SUGCT: variants seen among roughly 807,000 people sequenced by gnomAD.
SUGCT encodes succinyl-CoA:glutarate-CoA transferase.
SUGCT carries 41 observed loss-of-function variants against 55.0 expected under a neutral mutation model. The observed-to-expected ratio is 0.74, with a 90% CI of 0.58 to 0.97. The LOEUF is 0.97. Ranked by LOEUF, SUGCT falls within the 50% of genes least tolerant of loss-of-function variation. The pLI, the probability that SUGCT is intolerant of heterozygous loss-of-function variation, is 0.00. For synonymous variants in SUGCT, 187 were observed against 200.4 expected (o/e 0.93, Z 0.56); for missense variants, 568 against 547.8 (o/e 1.04, Z -0.37).
the SUGCT span, among the ~76,000 whole-genome samples, chr7:41,020,636 A>G: frequency 6.6e-6 from 1 of 152,174 alleles, no homozygotes. Flanking sequence ...AACTGCCATA[A>G]AAGTAATTAT....
At chr7:40,751,879 ACT>A (rs1788031308) in intron 13 of SUGCT, among the ~76,000 whole-genome samples, 1 of 152,150 alleles carries the variant, frequency 6.6e-6, no homozygotes, top group African/African-American at 2.4e-5. Flanking sequence ...TGGAGGTAAC[ACT>A]CTTTCAGTCA....
At chr7:41,004,814 AAT>A in the SUGCT span, among the ~76,000 whole-genome samples, 1 of 152,148 alleles carries the variant, frequency 6.6e-6, no homozygotes, top group Admixed American at 6.5e-5. Context: ...GAAAAAAAAA[AAT>A]AACTGGCATC....
intron 9 of SUGCT, among the ~76,000 whole-genome samples, chr7:40,361,847 A>T (rs1562713687): frequency 6.6e-6 from 1 of 151,974 alleles, no homozygotes; most frequent in Non-Finnish European, 1.5e-5. Flanking sequence ...TTCTGAGGGC[A>T]CATTGGAATC....
At chr7:40,354,139 G>A (rs1168997312) in intron 9 of SUGCT, among the ~76,000 whole-genome samples, 1 of 152,168 alleles carries the variant, frequency 6.6e-6, no homozygotes, top group African/African-American at 2.4e-5. Context: ...TAAGGTGGAA[G>A]GGAGTTTCTG....
intron 9 of SUGCT, among the ~76,000 whole-genome samples, chr7:40,398,981 C>A (rs927053095): frequency 1.3e-5 from 2 of 152,124 alleles, no homozygotes; most frequent in African/African-American, 4.8e-5. Flanking sequence ...TGTTTTATAA[C>A]TCCACTGCAC....
intron 12 of SUGCT, among the ~76,000 whole-genome samples, chr7:40,625,253 T>C (rs1421242011): frequency 1.3e-5 from 2 of 152,076 alleles, no homozygotes; most frequent in Non-Finnish European, 2.9e-5. Context: ...ACTCAATCCT[T>C]TTTCCTTAAC....
the SUGCT span, among the ~76,000 whole-genome samples, chr7:40,939,340 G>T: frequency 2.0e-5 from 3 of 152,158 alleles, no homozygotes; most frequent in African/African-American, 7.2e-5. Context: ...TCCACAACAC[G>T]TGGGAATTAT....
At chr7:40,584,386 A>G (rs1453245874) in intron 12 of SUGCT, among the ~76,000 whole-genome samples, 1 of 152,220 alleles carries the variant, frequency 6.6e-6, no homozygotes, top group African/African-American at 2.4e-5. Flanking sequence ...TGGATCAGAA[A>G]AAAAGCAGAA....
At chr7:40,322,355 AGTCTTTGTGCCC>A (rs1197835865) in intron 9 of SUGCT, among the ~76,000 whole-genome samples, 1 of 152,194 alleles carries the variant, frequency 6.6e-6, no homozygotes, top group African/African-American at 2.4e-5. Context: ...GTGCAGGCAC[AGTCTTTGTGCCC>A]ACAGATCTTT....
chr7:40,658,675 G>C (rs555857850), intron 12 of SUGCT, among the ~76,000 whole-genome samples: 1 of 152,302 alleles, frequency 6.6e-6, no homozygotes, highest in Non-Finnish European at 1.5e-5. Flanking sequence ...GTGATGAATT[G>C]TCTTGGGATA....
At chr7:40,701,595 TAGTTAAAGG>T (rs1457913037) in intron 12 of SUGCT, among the ~76,000 whole-genome samples, 1 of 152,184 alleles carries the variant, frequency 6.6e-6, no homozygotes, top group Non-Finnish European at 1.5e-5. Flanking sequence ...AAATACATAG[TAGTTAAAGG>T]AATTGTTCAT....
intron 12 of SUGCT, among the ~76,000 whole-genome samples, chr7:40,680,996 T>C (rs1377486083): frequency 6.6e-6 from 1 of 152,218 alleles, no homozygotes; most frequent in Non-Finnish European, 1.5e-5. Context: ...TCCTCTGGAA[T>C]ATTAACTTCA....
chr7:40,287,500 C>G (rs75898011), intron 8 of SUGCT, among the ~76,000 whole-genome samples: 3 of 144,014 alleles, frequency 2.1e-5, no homozygotes, highest in African/African-American at 7.6e-5. Flanking sequence ...CCTTGATACT[C>G]TTTTTTTTTT....
At chr7:40,585,775 G>A (rs1797344533) in intron 12 of SUGCT, among the ~76,000 whole-genome samples, 1 of 152,066 alleles carries the variant, frequency 6.6e-6, no homozygotes, top group Admixed American at 6.5e-5. Flanking sequence ...GACCTCCCAG[G>A]TTCTGGTGAT....
At chr7:40,901,765 A>G in the SUGCT span, among the ~76,000 whole-genome samples, 3 of 152,228 alleles carry the variant, frequency 2.0e-5, no homozygotes, top group Non-Finnish European at 4.4e-5. Flanking sequence ...TGGGGGATAA[A>G]TTGAATTACG....
intron 1 of SUGCT, among the ~76,000 whole-genome samples, chr7:40,142,619 C>G (rs1788046615): frequency 6.6e-6 from 1 of 152,216 alleles, no homozygotes; most frequent in African/African-American, 2.4e-5. Context: ...TACTGAACCA[C>G]TTTTCTAGCC....
At chr7:40,913,614 A>G in the SUGCT span, among the ~76,000 whole-genome samples, 1,966 of 152,316 alleles carry the variant, frequency 0.013, 44 homozygotes, top group African/African-American at 0.045. Flanking sequence ...TTGGTAGCTG[A>G]CAACACAAGC....
At chr7:40,510,096 G>C (rs1451848285) in intron 12 of SUGCT, among the ~76,000 whole-genome samples, 1 of 151,670 alleles carries the variant, frequency 6.6e-6, no homozygotes, top group Non-Finnish European at 1.5e-5. Flanking sequence ...TTCAAGCTAT[G>C]GAAATATATT....
chr7:40,223,871 A>G lies in SUGCT; in HGVS notation c.485-13764A>G, dbSNP rs73687565. ...TGTTAATTTGTTACTCATTTGGGTT[A>G]TCCATTTATCTGGATTTGATTTGAG... is the stretch of plus-strand genomic sequence containing the variant. On this transcript the variant is annotated intron_variant, in intron 6 of 13. Coordinates refer to ENST00000335693, the MANE Select transcript of SUGCT (RefSeq NM_001193313.2). Among the ~76,000 whole-genome samples the G allele has an allele frequency of 5.7e-3, 869 of 152,320 alleles. 6 individuals carry two copies. The highest frequency in any genetic ancestry group is 0.019 in the African/African-American group (808 of 41,576).
Sources: gnomAD v4.1 joint callset for allele counts (sites outside exome capture counted in the v4.1 genomes callset) on GRCh38, gnomAD v4.1.1 for gene constraint, MANE v1.5 for transcripts, NCBI Gene and HGNC (gene_info 2026-07-23, HGNC 2026-07-21) for gene names.